Variants in KLB observed in about 807,000 individuals in gnomAD.
The protein encoded by KLB is beta-klotho.
KLB carries 44 observed loss-of-function variants against 88.4 expected under a neutral mutation model. The ratio of observed to expected loss-of-function variants is 0.50; its 90% CI spans 0.39 to 0.64. The LOEUF (loss-of-function observed/expected upper bound fraction) is 0.64. Among genes scored for constraint, KLB ranks in the 30% least tolerant of loss-of-function variants. The pLI is 0.00. For missense variants in KLB, 1,137 were observed against 1,304.8 expected, an observed-to-expected ratio of 0.87 and a Z score of 1.98; for synonymous variants, 548 against 513.4, an observed-to-expected ratio of 1.07 and a Z score of -0.91.
At chr4:39,413,146 A>G (rs573468933) in intron 1 of KLB, among the ~76,000 whole-genome samples, 126 of 152,286 alleles carry the variant, frequency 8.3e-4, no homozygotes, top group African/African-American at 3.0e-3. Flanking sequence ...TCTCCTTTGT[A>G]GAGGAAAGAT....
At chr4:39,434,150 G>T (rs1743419390) in intron 1 of KLB, 60 bp from the exon 2 acceptor site, 1 of 1,454,164 alleles carries the variant, frequency 6.9e-7, no homozygotes, top group East Asian at 2.3e-5. Flanking sequence ...CCATTTACCA[G>T]CCATGTTACA....
intron 4 of KLB, among the ~76,000 whole-genome samples, chr4:39,447,897 CAGTG>C (rs1430247576): frequency 4.7e-5 from 7 of 149,238 alleles, no homozygotes; most frequent in Non-Finnish European, 7.4e-5. Flanking sequence ...AAGCGAGCGA[CAGTG>C]AGTGAGTGGG....
At chr4:39,448,206 G>A in intron 4 of KLB, 95 bp from the exon 5 acceptor site, 3 of 878,982 alleles carry the variant, frequency 3.4e-6, no homozygotes, top group Non-Finnish European at 5.1e-6. Flanking sequence ...TTTATTATGG[G>A]CATAATTTTA....
At chr4:39,424,691 G>GTA (rs1743161965) in intron 1 of KLB, among the ~76,000 whole-genome samples, 1 of 148,934 alleles carries the variant, frequency 6.7e-6, no homozygotes, top group Non-Finnish European at 1.5e-5. Flanking sequence ...GAGTGCAGTG[G>GTA]CGCTATCTCG....
At chr4:39,422,738 A>C (rs942607857) in intron 1 of KLB, among the ~76,000 whole-genome samples, 7 of 151,544 alleles carry the variant, frequency 4.6e-5, no homozygotes, top group African/African-American at 1.7e-4. Context: ...TGCTATGCAG[A>C]CAAGGATCTC....
At chr4:39,416,647 A>G (rs1033251585) in intron 1 of KLB, among the ~76,000 whole-genome samples, 2 of 149,498 alleles carry the variant, frequency 1.3e-5, no homozygotes, top group African/African-American at 4.8e-5. Context: ...TGAGCTAGGC[A>G]TGGTGGCATG....
chr4:39,420,130 A>C (rs1435688366), intron 1 of KLB, among the ~76,000 whole-genome samples: 1 of 152,230 alleles, frequency 6.6e-6, no homozygotes, highest in East Asian at 1.9e-4. Flanking sequence ...GTGATCTAGT[A>C]GTGTTACTTG....
In KLB at chr4:39,439,658, A is replaced by AT. The variant is rs1475808283; in HGVS notation, c.1605+1668dup. Among the ~76,000 whole-genome samples, 856 of 125,668 alleles carry AT rather than the reference A, an allele frequency of 6.8e-3. 7 individuals carry two copies. The highest frequency in any genetic ancestry group is 0.026 in the African/African-American group (813 of 31,496). 82.4% of individuals were successfully genotyped at this position (125,668 alleles called of 152,430 possible). A position where few individuals can be genotyped will look rare whatever the true frequency, so the allele number is the denominator to read the frequency against. ...AGGCACCCGCCACCATGCCTGGCAA[A>AT]TTTTTCTTTTTTTTTTTTGGAGACG... On this transcript the variant is annotated intron_variant, in intron 3 of 4. Coordinates refer to ENST00000257408, the MANE Select transcript of KLB (RefSeq NM_175737.4).
chr4:39,411,613 G>A lies in KLB; in HGVS notation c.825+3839G>A, dbSNP rs187078657. 4.2e-3 allele frequency among the ~76,000 whole-genome samples: 639 copies of A among 151,188 alleles called. 7 individuals carry two copies. The highest frequency in any genetic ancestry group is 0.013 in the African/African-American group (541 of 41,214). On this transcript the variant is annotated intron_variant, in intron 1 of 4. Transcript: ENST00000257408. Reference sequence around the variant, plus strand: ...CAGCTCACTGCAACCTCCGCCTCCCGGATTCAAGCGATTCTCCCGCCTCAG... The same window carrying A: ...CAGCTCACTGCAACCTCCGCCTCCCAGATTCAAGCGATTCTCCCGCCTCAG...
rs201127231 is a variant in KLB at position 39,412,764 on chromosome 4, A to AT, written c.825+4995dup. On this transcript the variant is annotated intron_variant, in intron 1 of 4. Coordinates refer to ENST00000257408, the MANE Select transcript of KLB (RefSeq NM_175737.4). ...TGAGAGTTCTTTCAAAGGAGAGACA[A>AT]TTTTTAAATTTGCCTTTATGTTCTC... 3.0e-4 allele frequency among the ~76,000 whole-genome samples: 46 copies of AT among 152,292 alleles called. 1 individual carries two copies. The East Asian group carries it at 8.3e-3, about 27-fold the overall frequency.
intron 1 of KLB, among the ~76,000 whole-genome samples, chr4:39,421,407 G>C (rs1051035306): frequency 6.6e-6 from 1 of 152,188 alleles, no homozygotes; most frequent in South Asian, 2.1e-4. Flanking sequence ...CATTTGATTG[G>C]GTTCTGAGGG....
chr4:39,407,050 G>A lies in KLB; in HGVS notation c.101G>A (p.Gly34Glu), dbSNP rs539020289. The change falls in exon 1 of 5, where the codon GGA becomes GAA. Residue 34 changes from glycine (G) to glutamate (E), a missense_variant. By Grantham distance (98) the Gly-to-Glu change is moderately conservative (BLOSUM62 -2). Coordinates refer to ENST00000257408, the MANE Select transcript of KLB (RefSeq NM_175737.4). ...TATAGGAATACAATGTCCAACGGGG[G>A]ATTGCAAAGATCTGTCATCCTGTCA... ...TRYRNTMSNG[G>E]LQRSVILSAL... 182 of 1,614,044 alleles carry A rather than the reference G, an allele frequency of 1.1e-4. No individual in the cohort carries two copies. In the South Asian group the frequency reaches 1.9e-3, roughly 17 times the overall value.
chr4:39,442,008 A>G (rs1346057245), intron 3 of KLB, among the ~76,000 whole-genome samples: 2 of 152,168 alleles, frequency 1.3e-5, no homozygotes, highest in East Asian at 3.9e-4. Context: ...TTGGGAGGCC[A>G]AGGTGGGAGG....
Position 39,434,488 on chromosome 4 carries a change from T to C in KLB, c.1104T>C (p.Asp368=), listed in dbSNP as rs1743427551. Residue 368 remains aspartate (D), a synonymous_variant, in exon 2 of 5, where the codon GAT becomes GAC. Coordinates refer to ENST00000257408, the MANE Select transcript of KLB (RefSeq NM_175737.4). ...AEKHEMRGTA[D]FFAFSFGPNN... ...AGCATGAGATGAGAGGCACAGCTGA[T>C]TTCTTTGCCTTTTCTTTTGGACCCA... 1.2e-6 allele frequency: 2 copies of C among 1,614,198 alleles called. No individual in the cohort carries two copies. The highest frequency in any genetic ancestry group is 8.5e-7 in the Non-Finnish European group (1 of 1,180,036).
At chr4:39,438,982 T>C (rs973225450) in intron 3 of KLB, among the ~76,000 whole-genome samples, 3 of 151,812 alleles carry the variant, frequency 2.0e-5, no homozygotes, top group Non-Finnish European at 4.4e-5. Flanking sequence ...GCTCTATGTA[T>C]GCACATTCTC....
rs1187644851 is a variant in KLB at position 39,434,113 on chromosome 4, G to A, written c.826-97G>A. The A allele has an allele frequency of 2.3e-5, 27 of 1,159,512 alleles. No homozygotes were observed. In the Admixed American group the frequency reaches 2.6e-4, roughly 11 times the overall value. The allele number at this position is 1,159,512 out of a possible 1,614,324, so 71.8% of individuals were successfully genotyped here. ...GCAGCTTTCCCCTGAATCACTGTAC[G>A]CTGCATTAATTTTATCCATGAAAAG... On this transcript the variant is annotated intron_variant, in intron 1 of 4. Coordinates refer to ENST00000257408, the MANE Select transcript of KLB (RefSeq NM_175737.4).
At chr4:39,424,036 A>G (rs755011312) in intron 1 of KLB, among the ~76,000 whole-genome samples, 1 of 151,690 alleles carries the variant, frequency 6.6e-6, no homozygotes, top group Non-Finnish European at 1.5e-5. Context: ...TTAGAATGAG[A>G]AAAACATCAC....
At chr4:39,425,137 A>G (rs1456382913) in intron 1 of KLB, among the ~76,000 whole-genome samples, 2 of 152,218 alleles carry the variant, frequency 1.3e-5, no homozygotes, top group Non-Finnish European at 2.9e-5. Context: ...TCCGGCAAAG[A>G]GAACTTCACT....
Position 39,446,962 on chromosome 4 carries a change from T to C in KLB, c.2236T>C (p.Trp746Arg). 1 of 1,606,712 alleles carries C rather than the reference T, an allele frequency of 6.2e-7. No individual in the cohort carries two copies. The highest frequency in any genetic ancestry group is 8.5e-7 in the Non-Finnish European group (1 of 1,179,428). ...GAVSLSLHAD[W>R]AEPANPYADS... Reference sequence around the variant, plus strand: ...CGTGTCGCTGTCGCTGCACGCGGACTGGGCGGAACCCGCCAACCCCTATGC... The same window carrying C: ...CGTGTCGCTGTCGCTGCACGCGGACCGGGCGGAACCCGCCAACCCCTATGC... The change falls in exon 4 of 5, where the codon TGG (tryptophan) becomes CGG (arginine). Residue 746 changes from tryptophan to arginine, a missense_variant. Physicochemically the swap from Trp to Arg is moderately radical, Grantham distance 101 (BLOSUM62 -3). Transcript: ENST00000257408. This position sits in a 1 kb window ranked among gnomAD's most constrained non-coding sequence, Gnocchi z 6.4.
Sources: gnomAD v4.1 joint callset for allele counts (sites outside exome capture counted in the v4.1 genomes callset) on GRCh38, gnomAD v4.1.1 for gene constraint, Gnocchi (gnomAD v3.1) non-coding constraint, MANE v1.5 for transcripts, NCBI Gene and HGNC (gene_info 2026-07-23, HGNC 2026-07-21) for gene names.